PRKAR2A: variants seen among roughly 807,000 people sequenced by gnomAD.
The protein encoded by PRKAR2A is protein kinase cAMP-dependent type II regulatory subunit alpha.
A neutral mutation model predicts 51.9 loss-of-function variants in PRKAR2A; 29 were observed. That is an observed-to-expected ratio of 0.56 (90% CI 0.42 to 0.76). PRKAR2A has a LOEUF of 0.76. Among genes scored for constraint, PRKAR2A ranks in the 30% least tolerant of loss-of-function variants. The pLI, the probability that PRKAR2A is intolerant of heterozygous loss-of-function variation, is 0.00. For missense variants in PRKAR2A, 445 were observed against 512.1 expected (o/e 0.87, Z 1.26); for synonymous variants, 178 against 186.2 (o/e 0.96, Z 0.36).
intron 1 of PRKAR2A, among the ~76,000 whole-genome samples, chr3:48,824,945 C>CA (rs2083035256): frequency 7.5e-6 from 1 of 134,022 alleles, no homozygotes; most frequent in African/African-American, 2.8e-5. Context: ...AATTCCGTCT[C>CA]AAAAAAGAAA....
At chr3:48,771,807 A>C (rs982768695) in intron 6 of PRKAR2A, among the ~76,000 whole-genome samples, 1 of 152,082 alleles carries the variant, frequency 6.6e-6, no homozygotes, top group African/African-American at 2.4e-5. Context: ...CTTGAAAAAA[A>C]TGTTCATTCT....
At chr3:48,828,151 C>A (rs150753729) in intron 1 of PRKAR2A, among the ~76,000 whole-genome samples, 84 of 152,302 alleles carry the variant, frequency 5.5e-4, no homozygotes, top group African/African-American at 1.9e-3. Context: ...CAGGCGTGAG[C>A]CAACGCACAT....
chr3:48,791,858 A>C (rs2082393443), intron 3 of PRKAR2A, among the ~76,000 whole-genome samples: 1 of 136,834 alleles, frequency 7.3e-6, no homozygotes, highest in African/African-American at 2.7e-5. Flanking sequence ...AGCCAAGATC[A>C]GGCCATTGCA....
rs1380619724 is a variant in PRKAR2A, at chr3:48,768,825, C to T, written c.697-3476G>A. Among the ~76,000 whole-genome samples the T allele has an allele frequency of 3.4e-5, 5 of 149,252 alleles. 1 individual carries two copies. In the South Asian group the frequency reaches 8.6e-4, roughly 26 times the overall value. Reference sequence around the variant, plus strand: ...AATAGCAAACAATATTTCGGCTGGGCGCATGGCTCACGCCTGTAATCCCAG... The same window carrying T: ...AATAGCAAACAATATTTCGGCTGGGTGCATGGCTCACGCCTGTAATCCCAG... On this transcript the variant is annotated intron_variant, in intron 6 of 10. Coordinates refer to ENST00000265563, the MANE Select transcript of PRKAR2A (RefSeq NM_004157.4).
intron 6 of PRKAR2A, among the ~76,000 whole-genome samples, chr3:48,767,145 T>C (rs2081952605): frequency 6.6e-6 from 1 of 152,212 alleles, no homozygotes; most frequent in Non-Finnish European, 1.5e-5. Flanking sequence ...TTCTTCCACC[T>C]CAGGCTGTCA....
At chr3:48,772,569 A>G (rs770931008) in intron 6 of PRKAR2A, among the ~76,000 whole-genome samples, 1 of 152,038 alleles carries the variant, frequency 6.6e-6, no homozygotes, top group African/African-American at 2.4e-5. Flanking sequence ...TGAGTCCCCA[A>G]GTGTGTGACC....
chr3:48,766,689 T>A (rs1029670150), intron 6 of PRKAR2A, among the ~76,000 whole-genome samples: 4 of 151,658 alleles, frequency 2.6e-5, no homozygotes, highest in Admixed American at 6.6e-5. Flanking sequence ...GAAGGGGAGA[T>A]CACAGTAGGC....
chr3:48,827,701 A>G (rs773309660), intron 1 of PRKAR2A, among the ~76,000 whole-genome samples: 6 of 152,204 alleles, frequency 3.9e-5, no homozygotes, highest in Admixed American at 1.3e-4. Context: ...TTTCGGGTGT[A>G]GTCAGTGAGT....
In PRKAR2A at chr3:48,814,410, C is replaced by T. The variant is rs753512303; in HGVS notation, c.263-6726G>A. Among the ~76,000 whole-genome samples the T allele has an allele frequency of 4.9e-4, 74 of 152,230 alleles. 1 individual carries two copies. Among genetic ancestry groups the T allele is most frequent in the Middle Eastern group, 6.8e-3 (2 of 294 alleles). ...TCCAGCCTGGGCAACAAGAGTGAGA[C>T]TCCATCTCAAAACAAAAAATAAATA... On this transcript the variant is annotated intron_variant, in intron 1 of 10. Coordinates refer to ENST00000265563, the MANE Select transcript of PRKAR2A (RefSeq NM_004157.4).
chr3:48,768,644 G>A (rs1163293255), intron 6 of PRKAR2A, among the ~76,000 whole-genome samples: 1 of 150,888 alleles, frequency 6.6e-6, no homozygotes, highest in East Asian at 2.0e-4. Flanking sequence ...GATGCAGTGA[G>A]CCGAGATCAC....
intron 7 of PRKAR2A, 33 bp from the exon 8 acceptor site, chr3:48,765,111 G>T: frequency 1.2e-6 from 2 of 1,601,194 alleles, no homozygotes; most frequent in Non-Finnish European, 1.7e-6. Flanking sequence ...AAAAGGAAAA[G>T]ACCTTAATTG....
In PRKAR2A at chr3:48,747,041, CTTTTTTTTTTT is replaced by C. The variant is rs11358464; in HGVS notation, c.*4533_*4543del. On this transcript the variant is annotated 3_prime_UTR_variant, in exon 11 of 11. Coordinates refer to ENST00000265563, the MANE Select transcript of PRKAR2A (RefSeq NM_004157.4). ...CATGAGGTTAGTGACAGTTCTTGTC[CTTTTTTTTTTT>C]TTTTTTTTTTTTTTTAAAGTATAAA... The C allele has an allele frequency of 6.8e-5, 6 of 88,394 alleles. No homozygotes were observed. In the Admixed American group the frequency reaches 6.9e-4, roughly 10 times the overall value. The allele number at this position is 88,394 out of a possible 1,614,324, so 5.5% of individuals were successfully genotyped here.
intron 9 of PRKAR2A, among the ~76,000 whole-genome samples, chr3:48,754,824 G>A (rs182079746): frequency 6.6e-6 from 1 of 150,606 alleles, no homozygotes; most frequent in Non-Finnish European, 1.5e-5. Flanking sequence ...GGTGAGGCAC[G>A]AGAATCGATT....
At chr3:48,776,000 G>A (rs182391159) in intron 5 of PRKAR2A, among the ~76,000 whole-genome samples, 4 of 152,124 alleles carry the variant, frequency 2.6e-5, no homozygotes, top group Middle Eastern at 3.4e-3. Flanking sequence ...CCAGCTATTC[G>A]GGAGGCTGAG....
chr3:48,778,717 AC>A (rs2082143159), intron 5 of PRKAR2A, among the ~76,000 whole-genome samples: 1 of 150,008 alleles, frequency 6.7e-6, no homozygotes, highest in African/African-American at 2.5e-5. Flanking sequence ...ATGGGGTTTC[AC>A]CATGTTAGCC....
In PRKAR2A at chr3:48,847,371, C is replaced by G. The variant is rs1041900140; in HGVS notation, c.226G>C (p.Gly76Arg). 6.2e-7 allele frequency: 1 copy of G among 1,613,246 alleles called. No homozygotes were observed. The change falls in exon 1 of 11, where the codon GGG becomes CGG. Residue 76 changes from glycine (G) to arginine (R), a missense_variant. Coordinates refer to ENST00000265563, the MANE Select transcript of PRKAR2A (RefSeq NM_004157.4). The surrounding 1 kb of genome is among the most constrained non-coding windows in gnomAD (Gnocchi z 4.4). The part of the protein sequence containing the change: ...PGPDRVADAK[G>R]DSESEEDEDL... ...TCGTCCTCCTCCGACTCGCTGTCCC[C>G]TTTGGCGTCGGCGACACGGTCCGGG...
Position 48,807,700 on chromosome 3 carries a change from G to C in PRKAR2A, c.263-16C>G. On this transcript the variant is annotated splice_polypyrimidine_tract_variant and intron_variant, in intron 1 of 10. Coordinates refer to ENST00000265563, the MANE Select transcript of PRKAR2A (RefSeq NM_004157.4). ...GGAACTGGAACTGCAAAATAAAGAA[G>C]CAACATTTAGTCATTATTATGTCAC... The C allele has an allele frequency of 6.2e-7, 1 of 1,601,070 alleles. No homozygotes were observed. Among genetic ancestry groups the C allele is most frequent in the South Asian group, 1.1e-5 (1 of 90,518 alleles).
intron 1 of PRKAR2A, among the ~76,000 whole-genome samples, chr3:48,819,161 G>A (rs1396077474): frequency 6.6e-6 from 1 of 151,950 alleles, no homozygotes; most frequent in Admixed American, 6.6e-5. Context: ...GATTACAGGC[G>A]CCAACCACCA....
intron 1 of PRKAR2A, among the ~76,000 whole-genome samples, chr3:48,827,446 C>T (rs1013770551): frequency 2.6e-5 from 4 of 151,764 alleles, no homozygotes; most frequent in African/African-American, 7.3e-5. Context: ...TTGGATGCCT[C>T]GAAAAAACAA....
Sources: allele counts gnomAD v4.1 joint callset (sites outside exome capture counted in the v4.1 genomes callset), GRCh38; gene constraint gnomAD v4.1.1; non-coding constraint Gnocchi (gnomAD v3.1); transcripts MANE v1.5; gene names NCBI Gene and HGNC (gene_info 2026-07-23, HGNC 2026-07-21).